The following ADAM10 variants were observed in gnomAD, a reference collection of about 807,000 sequenced individuals.
The protein encoded by ADAM10 is ADAM metallopeptidase domain 10, also known as disintegrin and metalloproteinase domain-containing protein 10.
ADAM10 carries 17 observed loss-of-function variants against 90.1 expected under a neutral mutation model. That is an observed-to-expected ratio of 0.19 (90% CI 0.13 to 0.28). ADAM10 has a LOEUF of 0.28. Among genes scored for constraint, ADAM10 ranks in the 10% least tolerant of loss-of-function variants. The probability of loss-of-function intolerance (pLI) is 1.00; values close to 1 mark genes in which losing one functional copy is unlikely to be tolerated. For synonymous variants in ADAM10, 310 were observed against 298.6 expected (o/e 1.04, Z -0.40); for missense variants, 610 against 914.3 (o/e 0.67, Z 4.29).
intron 2 of ADAM10, chr15:58,691,628 C>G (rs1385372541): frequency 2.3e-6 from 1 of 431,206 alleles, no homozygotes; most frequent in Non-Finnish European, 4.6e-6. Flanking sequence ...TGTTATTCTC[C>G]TTGTCTTCTG....
intron 7 of ADAM10, among the ~76,000 whole-genome samples, chr15:58,641,310 C>A (rs535255698): frequency 2.8e-4 from 42 of 152,152 alleles, no homozygotes; most frequent in Non-Finnish European, 5.7e-4. Flanking sequence ...AAATTTAATT[C>A]TCTGAACAAG....
At chr15:58,718,198 A>G (rs1323954517) in intron 1 of ADAM10, among the ~76,000 whole-genome samples, 1 of 152,116 alleles carries the variant, frequency 6.6e-6, no homozygotes, top group South Asian at 2.1e-4. Flanking sequence ...TTAAAAAACT[A>G]TCGGGAACAA....
chr15:58,612,035 A>G (rs1895453766), intron 11 of ADAM10, 44 bp from the exon 12 acceptor site: 1 of 1,537,048 alleles, frequency 6.5e-7, no homozygotes, highest in East Asian at 2.3e-5. Flanking sequence ...ATCACTAGTT[A>G]TTCCCTATAT....
intron 5 of ADAM10, among the ~76,000 whole-genome samples, chr15:58,654,634 T>G (rs1013182563): frequency 1.3e-5 from 2 of 152,152 alleles, no homozygotes; most frequent in Non-Finnish European, 2.9e-5. Context: ...CCACATCAGC[T>G]TCCTAAAGTG....
chr15:58,686,929 T>G (rs2140763234), intron 2 of ADAM10, among the ~76,000 whole-genome samples: 1 of 152,324 alleles, frequency 6.6e-6, no homozygotes, highest in East Asian at 1.9e-4. Flanking sequence ...TTACTAAGAT[T>G]TCTATACCTG....
At chr15:58,677,515 G>T (rs1897324503) in intron 4 of ADAM10, among the ~76,000 whole-genome samples, 1 of 151,802 alleles carries the variant, frequency 6.6e-6, no homozygotes, top group Admixed American at 6.6e-5. Flanking sequence ...TATATTACAA[G>T]AAAGAAAGAA....
chr15:58,616,753 T>G (rs570675799), intron 11 of ADAM10, among the ~76,000 whole-genome samples: 2 of 151,918 alleles, frequency 1.3e-5, no homozygotes, highest in African/African-American at 4.8e-5. Context: ...AACCCCAAAT[T>G]AGTAGAAGAA....
At chr15:58,617,990 T>C (rs1240982298) in intron 11 of ADAM10, among the ~76,000 whole-genome samples, 1 of 151,100 alleles carries the variant, frequency 6.6e-6, no homozygotes, top group African/African-American at 2.4e-5. Flanking sequence ...ACAGATTCAA[T>C]GTAATGCCTA....
At chr15:58,641,664 C>T (rs146068255) in intron 7 of ADAM10, among the ~76,000 whole-genome samples, 90 of 152,332 alleles carry the variant, frequency 5.9e-4, no homozygotes, top group African/African-American at 2.1e-3. Context: ...TGTTCTAATA[C>T]CAGACTTCTA....
chr15:58,676,348 T>A (rs1263925868), intron 4 of ADAM10: 1 of 454,390 alleles, frequency 2.2e-6, no homozygotes, highest in Non-Finnish European at 4.4e-6. Flanking sequence ...TTTTGAGAAT[T>A]CAATTCAATA....
chr15:58,603,505 CA>C (rs1255119895), intron 14 of ADAM10, among the ~76,000 whole-genome samples: 1 of 152,140 alleles, frequency 6.6e-6, no homozygotes, highest in Non-Finnish European at 1.5e-5. Context: ...CGATGATGGG[CA>C]AGTTGGGTAC....
At chr15:58,723,964 C>G (rs183512256) in intron 1 of ADAM10, among the ~76,000 whole-genome samples, 2 of 152,198 alleles carry the variant, frequency 1.3e-5, no homozygotes, top group Admixed American at 1.3e-4. Context: ...GACGTGATGG[C>G]TCACACCTGT....
intron 14 of ADAM10, chr15:58,609,668 T>C (rs1295938404): frequency 1.3e-5 from 2 of 154,098 alleles, no homozygotes; most frequent in Admixed American, 1.3e-4. Flanking sequence ...TTTAATGTTA[T>C]CACTTTTAAA....
intron 1 of ADAM10, among the ~76,000 whole-genome samples, chr15:58,726,568 A>AAAAAAAAAG: frequency 3.2e-5 from 1 of 31,526 alleles, no homozygotes; most frequent in Non-Finnish European, 9.7e-5. Context: ...TCAGTCTCCC[A>AAAAAAAAAG]AAAAAAAAAA....
intron 14 of ADAM10, among the ~76,000 whole-genome samples, chr15:58,600,258 T>A (rs1218359686): frequency 2.0e-5 from 3 of 152,148 alleles, no homozygotes; most frequent in Admixed American, 6.6e-5. Flanking sequence ...TTATAGACTA[T>A]GTTTTGATTG....
chr15:58,711,320 C>T (rs889998339), intron 2 of ADAM10, among the ~76,000 whole-genome samples: 3 of 152,056 alleles, frequency 2.0e-5, no homozygotes, highest in Admixed American at 1.3e-4. Flanking sequence ...TTATTACTGA[C>T]TAGTGTTTTA....
At chr15:58,632,474 C>A (rs1209486587) in intron 9 of ADAM10, among the ~76,000 whole-genome samples, 1 of 152,134 alleles carries the variant, frequency 6.6e-6, no homozygotes, top group African/African-American at 2.4e-5. Context: ...TATGGCTTAA[C>A]TAAGAATGGC....
intron 2 of ADAM10, among the ~76,000 whole-genome samples, chr15:58,706,491 C>A (rs1480461622): frequency 6.6e-6 from 1 of 152,108 alleles, no homozygotes; most frequent in East Asian, 1.9e-4. Flanking sequence ...AGATAAGTTG[C>A]CAATATTAAC....
chr15:58,608,230 T>C (rs1358673576), intron 14 of ADAM10, among the ~76,000 whole-genome samples: 2 of 152,158 alleles, frequency 1.3e-5, no homozygotes, highest in African/African-American at 4.8e-5. Flanking sequence ...GCTGCCATAG[T>C]GTAACACAGA....
Sources: allele counts gnomAD v4.1 joint callset (sites outside exome capture counted in the v4.1 genomes callset), GRCh38; gene constraint gnomAD v4.1.1; transcripts MANE v1.5; gene names NCBI Gene and HGNC (gene_info 2026-07-23, HGNC 2026-07-21).